Variants in NPSR1 observed in about 807,000 individuals in gnomAD.
NPSR1 encodes neuropeptide S receptor 1.
In NPSR1, 48 loss-of-function variants were observed where a neutral mutation model predicts 46.9. The observed-to-expected ratio is 1.02, with a 90% CI of 0.81 to 1.30. The LOEUF is 1.30. Ranked by LOEUF, NPSR1 falls within the 50% of genes most tolerant of loss-of-function variation. The pLI, the probability that NPSR1 is intolerant of heterozygous loss-of-function variation, is 0.00. For missense variants in NPSR1, 450 were observed against 449.5 expected (o/e 1.00, Z -0.01); for synonymous variants, 176 against 168.1 (o/e 1.05, Z -0.36).
Position 34,751,867 on chromosome 7 carries a change from A to G in NPSR1, c.281-26595A>G. The G allele has an allele frequency of 1.9e-6, 3 of 1,576,456 alleles. No individual in the cohort carries two copies. In the South Asian group the frequency reaches 3.4e-5, roughly 18 times the overall value. ...TGCCACCTCTTTGAATGGGATCCAG[A>G]GTGGGTCTGGTGGACAAAGCCTTTC... On this transcript the variant is annotated intron_variant, in intron 2 of 8. Coordinates refer to ENST00000360581, the MANE Select transcript of NPSR1 (RefSeq NM_207172.2).
chr7:34,855,871 C>T lies in NPSR1; in HGVS notation c.1025+7208C>T, dbSNP rs562494353. ...ATGTTGGCTTACTATTAGAAAATCA[C>T]TCAACTCGTTACATTAATAGATTAC... is the stretch of plus-strand genomic sequence containing the variant. On this transcript the variant is annotated intron_variant, in intron 8 of 8. Coordinates refer to the NPSR1 transcript ENST00000359791. Among the ~76,000 whole-genome samples, 18 of 152,260 alleles carry T rather than the reference C, an allele frequency of 1.2e-4. No individual in the cohort carries two copies. In the East Asian group the frequency reaches 3.1e-3, roughly 26 times the overall value.
intron 5 of NPSR1, among the ~76,000 whole-genome samples, chr7:34,833,304 A>G (rs1215728989): frequency 6.6e-6 from 1 of 152,210 alleles, no homozygotes; most frequent in Non-Finnish European, 1.5e-5. Context: ...AGTAGTTTTT[A>G]TATTTATCAA....
intron 3 of NPSR1, among the ~76,000 whole-genome samples, chr7:34,793,923 T>C (rs151327000): frequency 7.1e-4 from 108 of 152,320 alleles, no homozygotes; most frequent in African/African-American, 2.3e-3. Flanking sequence ...TGTGACAACA[T>C]AGATGAACCT....
intron 2 of NPSR1, among the ~76,000 whole-genome samples, chr7:34,734,464 G>T (rs560394693): frequency 5.9e-4 from 90 of 152,074 alleles, no homozygotes; most frequent in African/African-American, 1.9e-3. Flanking sequence ...TGGATGATAG[G>T]GTCGAAAATA....
chr7:34,701,103 C>T (rs1156506965), intron 2 of NPSR1, among the ~76,000 whole-genome samples: 3 of 152,186 alleles, frequency 2.0e-5, no homozygotes, highest in African/African-American at 7.2e-5. Flanking sequence ...AATGACCAGA[C>T]TTTGTCATAT....
chr7:34,807,453 A>T (rs1788757021), intron 3 of NPSR1, among the ~76,000 whole-genome samples: 1 of 152,152 alleles, frequency 6.6e-6, no homozygotes, highest in Non-Finnish European at 1.5e-5. Context: ...TGAATATCCT[A>T]TTGCCATCAT....
At chr7:34,774,778 G>A (rs146447498) in intron 2 of NPSR1, among the ~76,000 whole-genome samples, 24 of 152,268 alleles carry the variant, frequency 1.6e-4, no homozygotes, top group African/African-American at 5.8e-4. Context: ...ACATGCTGCA[G>A]AGCCCTTTCT....
intron 1 of NPSR1, among the ~76,000 whole-genome samples, chr7:34,667,332 T>C (rs1791801076): frequency 6.6e-6 from 1 of 151,920 alleles, no homozygotes; most frequent in Non-Finnish European, 1.5e-5. Context: ...GGAGGAAGAG[T>C]TTTGAGAGAC....
chr7:34,871,896 CAG>C (rs1053186257), intron 8 of NPSR1, among the ~76,000 whole-genome samples: 1 of 151,854 alleles, frequency 6.6e-6, no homozygotes, highest in Non-Finnish European at 1.5e-5. Context: ...CTTTTCCAGG[CAG>C]AGTTTGCAAG....
At chr7:34,877,807 A>G (rs1791612954) in intron 8 of NPSR1, among the ~76,000 whole-genome samples, 1 of 152,180 alleles carries the variant, frequency 6.6e-6, no homozygotes, top group African/African-American at 2.4e-5. Context: ...GAGTGGCCAC[A>G]ATGCCAGTTG....
intron 2 of NPSR1, among the ~76,000 whole-genome samples, chr7:34,697,870 G>T (rs1793612911): frequency 6.6e-6 from 1 of 151,974 alleles, no homozygotes. Flanking sequence ...AACCTCAAAT[G>T]TATCAGTAAT....
chr7:34,743,544 A>G (rs1405364566), intron 2 of NPSR1, among the ~76,000 whole-genome samples: 1 of 151,520 alleles, frequency 6.6e-6, no homozygotes, highest in African/African-American at 2.4e-5. Flanking sequence ...GGGTTCAAGC[A>G]ATTCTCTGTC....
intron 3 of NPSR1, chr7:34,779,478 AG>A: frequency 1.7e-6 from 1 of 593,684 alleles, no homozygotes; most frequent in South Asian, 5.3e-5. Context: ...AGACTCTTTT[AG>A]GATCTTTGTA....
chr7:34,689,429 C>G (rs1010739440), intron 2 of NPSR1, among the ~76,000 whole-genome samples: 5 of 150,898 alleles, frequency 3.3e-5, no homozygotes, highest in Non-Finnish European at 7.4e-5. Context: ...TACGGTGATA[C>G]CCGGTTTCTA....
downstream of NPSR1, among the ~76,000 whole-genome samples, chr7:34,850,715 C>T (rs1307734498): frequency 6.6e-6 from 1 of 152,136 alleles, no homozygotes; most frequent in Non-Finnish European, 1.5e-5. Context: ...TTGAGGCTTT[C>T]TGAGACCTCT....
At position 34,751,505 on chromosome 7, in the gene NPSR1, C is replaced by G; in HGVS notation, c.281-26957C>G. ...GCCTCCGTGTCATCTGCTGCCCCAA[C>G]CAGCCCCAGCTCCTCCTCCATAGTG... is the stretch of plus-strand genomic sequence containing the variant. On this transcript the variant is annotated intron_variant, in intron 2 of 8. Transcript: ENST00000360581. The G allele has an allele frequency of 2.1e-6, 3 of 1,443,498 alleles. No homozygotes were observed. In the South Asian group the frequency reaches 3.4e-5, roughly 16 times the overall value. 89.4% of individuals were successfully genotyped at this position (1,443,498 alleles called of 1,614,324 possible).
chr7:34,738,872 G>A (rs1784806852), intron 2 of NPSR1, among the ~76,000 whole-genome samples: 1 of 152,050 alleles, frequency 6.6e-6, no homozygotes, highest in Non-Finnish European at 1.5e-5. Context: ...AACTTAATAG[G>A]AAACCTCAGA....
At chr7:34,689,831 G>T (rs10261291) in intron 2 of NPSR1, among the ~76,000 whole-genome samples, 2,131 of 151,526 alleles carry the variant, frequency 0.014, 44 homozygotes, top group African/African-American at 0.05. Flanking sequence ...TGTAGTCCCA[G>T]TTGCCAGGGA....
intron 2 of NPSR1, among the ~76,000 whole-genome samples, chr7:34,725,245 C>G (rs1171882348): frequency 1.3e-5 from 2 of 152,106 alleles, no homozygotes; most frequent in Admixed American, 1.3e-4. Context: ...AGGGAAAATA[C>G]TTGTAAAACT....
Sources: gnomAD v4.1 joint callset for allele counts (sites outside exome capture counted in the v4.1 genomes callset) on GRCh38, gnomAD v4.1.1 for gene constraint, MANE v1.5 for transcripts, NCBI Gene and HGNC (gene_info 2026-07-23, HGNC 2026-07-21) for gene names.